Variants in RASGRF1 observed in about 807,000 individuals in gnomAD.
RASGRF1 encodes the protein ras-specific guanine nucleotide-releasing factor 1.
Under a neutral mutation model 138.7 loss-of-function variants are expected in RASGRF1, and 40 were observed. The observed-to-expected ratio is 0.29, with a 90% CI of 0.22 to 0.38. The LOEUF is 0.38. Ranked by LOEUF, RASGRF1 falls within the 10% of genes least tolerant of loss-of-function variation. The pLI is 1.00. For missense variants in RASGRF1, 1,108 were observed against 1,650.4 expected (o/e 0.67, Z 5.69); for synonymous variants, 614 against 663.2 (o/e 0.93, Z 1.14).
chr15:78,978,676 G>A (rs2055938814), intron 24 of RASGRF1: 4 of 1,018,388 alleles, frequency 3.9e-6, no homozygotes, highest in Non-Finnish European at 4.7e-6. Flanking sequence ...TCTTGCCCCC[G>A]TCCCCTGCCT....
intron 22 of RASGRF1, chr15:78,985,682 G>A (rs1411009909): frequency 1.9e-5 from 3 of 155,122 alleles, no homozygotes; most frequent in African/African-American, 4.8e-5. Flanking sequence ...TTGGGAGGCC[G>A]AGGCAGGCGA....
chr15:79,040,119 A>G (rs1373516288), intron 5 of RASGRF1, among the ~76,000 whole-genome samples: 1 of 151,550 alleles, frequency 6.6e-6, no homozygotes, highest in Non-Finnish European at 1.5e-5. Flanking sequence ...CTTTTTTTTT[A>G]TTGACCCTGA....
chr15:78,975,521 T>C (rs2055853936), intron 24 of RASGRF1, among the ~76,000 whole-genome samples: 1 of 150,996 alleles, frequency 6.6e-6, no homozygotes, highest in Non-Finnish European at 1.5e-5. Flanking sequence ...TTTTCTTTTT[T>C]TTTTTTTTGA....
intron 26 of RASGRF1, among the ~76,000 whole-genome samples, chr15:78,967,614 G>C (rs972637039): frequency 1.3e-5 from 2 of 152,052 alleles, no homozygotes; most frequent in African/African-American, 4.8e-5. Context: ...GATACTTAAA[G>C]TTACATATGT....
rs1595916880 is a variant in RASGRF1, at chr15:79,027,631, T to G, written c.1381+110A>C. 177 of 890,698 alleles carry G rather than the reference T, an allele frequency of 2.0e-4. No homozygotes were observed. Among genetic ancestry groups the G allele is most frequent in the Admixed American group, 1.0e-4 (5 of 47,894 alleles). 55.2% of individuals were successfully genotyped at this position (890,698 alleles called of 1,614,324 possible). On this transcript the variant is annotated intron_variant, in intron 9 of 26. Coordinates refer to ENST00000558480, the MANE Select transcript of RASGRF1 (RefSeq NM_001145648.3). The surrounding 1 kb of genome is among the most constrained non-coding windows in gnomAD (Gnocchi z 4.8). ...AATATTCTGCAATCACATTGGCAGG[T>G]CTTGGCATGTGGCAGCCAAACCAAC...
At chr15:79,035,495 C>T (rs184232693) in intron 5 of RASGRF1, among the ~76,000 whole-genome samples, 25 of 152,364 alleles carry the variant, frequency 1.6e-4, no homozygotes, top group Middle Eastern at 3.4e-3. Context: ...GGCACATCCA[C>T]GGGCCGGCAG....
At position 79,006,740 on chromosome 15, in the gene RASGRF1, A is replaced by C. The variant is rs976806240; in HGVS notation, c.1827-306T>G. Among the ~76,000 whole-genome samples the C allele has an allele frequency of 2.6e-5, 4 of 152,232 alleles. No homozygotes were observed. Among genetic ancestry groups the C allele is most frequent in the African/African-American group, 9.6e-5 (4 of 41,452 alleles). On this transcript the variant is annotated intron_variant, in intron 13 of 26. Coordinates refer to ENST00000558480, the MANE Select transcript of RASGRF1 (RefSeq NM_001145648.3). This position sits in a 1 kb window ranked among gnomAD's most constrained non-coding sequence, Gnocchi z 4.0. ...ACAAATGTGTATGTGGATGGGGTGC[A>C]GTGGCTCACGCCTGTAATCCCAGCA...
rs1282942108 is a variant in RASGRF1, at chr15:78,977,519, G to T, written c.3494+3101C>A. 5.9e-5 allele frequency among the ~76,000 whole-genome samples: 9 copies of T among 152,222 alleles called. No homozygotes were observed. The East Asian group carries it at 1.3e-3, about 23-fold the overall frequency. On this transcript the variant is annotated intron_variant, in intron 24 of 26. Coordinates refer to ENST00000558480, the MANE Select transcript of RASGRF1 (RefSeq NM_001145648.3). ...TGGTCACAGGCAGAGAATAAAGATA[G>T]AGATAGATACTTGGCTTTGCTGGAA...
chr15:78,996,933 G>T (rs1160156507), intron 19 of RASGRF1, among the ~76,000 whole-genome samples: 1 of 152,216 alleles, frequency 6.6e-6, no homozygotes, highest in Non-Finnish European at 1.5e-5. Context: ...GGAGGCTGGG[G>T]CCAGGCAAGA....
chr15:79,086,581 C>G (rs953157445), intron 1 of RASGRF1, among the ~76,000 whole-genome samples: 4 of 151,522 alleles, frequency 2.6e-5, no homozygotes, highest in Non-Finnish European at 5.9e-5. Flanking sequence ...TAAGACCCCC[C>G]CCCCCCAGCT....
chr15:79,017,713 T>C, intron 12 of RASGRF1, 57 bp downstream of exon 12: 1 of 1,305,444 alleles, frequency 7.7e-7, no homozygotes, highest in Non-Finnish European at 1.0e-6. Flanking sequence ...GCCAAATCCC[T>C]GACCTGGTTA....
chr15:78,995,933 T>C, intron 19 of RASGRF1, 133 bp from the exon 20 acceptor site: 2 of 804,996 alleles, frequency 2.5e-6, no homozygotes, highest in Non-Finnish European at 4.1e-6. Flanking sequence ...GGAGCACCCT[T>C]TCCCCTTCCT....
In RASGRF1 at chr15:79,027,030, C is replaced by A. The variant is rs1389203745; in HGVS notation, c.1381+711G>T. ...TTTCGTTAGGCAGAGAATCCCAGGG[C>A]TACAGAGAAGGGACTCTGGAGGTCC... On this transcript the variant is annotated intron_variant, in intron 9 of 26. Coordinates refer to ENST00000558480, the MANE Select transcript of RASGRF1 (RefSeq NM_001145648.3). This position sits in a 1 kb window ranked among gnomAD's most constrained non-coding sequence, Gnocchi z 4.8. 6.6e-6 allele frequency among the ~76,000 whole-genome samples: 1 copy of A among 152,182 alleles called. No individual in the cohort carries two copies. The highest frequency in any genetic ancestry group is 2.4e-5 in the African/African-American group (1 of 41,432).
chr15:78,984,192 C>A (rs897794466), intron 23 of RASGRF1, among the ~76,000 whole-genome samples: 2 of 152,186 alleles, frequency 1.3e-5, no homozygotes, highest in Non-Finnish European at 2.9e-5. Context: ...CCACACAGCC[C>A]ACCCAGCGTC....
intron 24 of RASGRF1, chr15:78,979,199 A>G: frequency 7.9e-7 from 1 of 1,266,870 alleles, no homozygotes; most frequent in Non-Finnish European, 1.0e-6. Flanking sequence ...GATGGGTGCA[A>G]CATCTGTCTG....
intron 13 of RASGRF1, among the ~76,000 whole-genome samples, chr15:79,014,274 C>A (rs559447967): frequency 1.3e-5 from 2 of 152,250 alleles, no homozygotes; most frequent in Middle Eastern, 6.8e-3. Flanking sequence ...GAAGTCATTA[C>A]GCAAAAAAGA....
intron 15 of RASGRF1, among the ~76,000 whole-genome samples, 176 bp downstream of exon 15, chr15:79,003,626 C>T (rs1450565935): frequency 2.6e-5 from 4 of 152,258 alleles, no homozygotes; most frequent in African/African-American, 4.8e-5. Context: ...ATACGGCTAC[C>T]TCTCTGCACC....
intron 23 of RASGRF1, among the ~76,000 whole-genome samples, chr15:78,983,628 G>A (rs756289224): frequency 3.3e-5 from 5 of 152,202 alleles, no homozygotes; most frequent in Non-Finnish European, 7.4e-5. Context: ...CTTGGAATGG[G>A]CCCCCAGACT....
chr15:79,004,433 C>T (rs2141716030), intron 14 of RASGRF1, among the ~76,000 whole-genome samples: 1 of 152,258 alleles, frequency 6.6e-6, no homozygotes, highest in Middle Eastern at 3.4e-3. Flanking sequence ...CTCAGGGCAG[C>T]AGCTGCAGCA....
Sources: gnomAD v4.1 joint callset for allele counts (sites outside exome capture counted in the v4.1 genomes callset) on GRCh38, gnomAD v4.1.1 for gene constraint, Gnocchi (gnomAD v3.1) non-coding constraint, MANE v1.5 for transcripts, NCBI Gene and HGNC (gene_info 2026-07-23, HGNC 2026-07-21) for gene names.